STAG2: variants seen among roughly 807,000 people sequenced by gnomAD.
The protein encoded by STAG2 is STAG2 cohesin complex component.
STAG2 carries 14 observed loss-of-function variants against 108.1 expected under a neutral mutation model. That is an observed-to-expected ratio of 0.13 (90% CI 0.09 to 0.20). The LOEUF (loss-of-function observed/expected upper bound fraction) is 0.20. STAG2 is among the 10% of genes least tolerant of loss of function. The pLI is 1.00. For synonymous variants in STAG2, 307 were observed against 302.7 expected (o/e 1.01, Z -0.15); for missense variants, 440 against 940.9 (o/e 0.47, Z 6.96).
chrX:123,963,485 C>T (rs188490908), intron 1 of STAG2: 1 of 111,241 alleles, frequency 9.0e-6, no homozygotes, highest in African/African-American at 3.3e-5. Context: ...GTTAAAATGC[C>T]TGGTTTTCTT....
At position 123,997,170 on chromosome X, in the gene STAG2, C is replaced by G. The variant is rs147406057; in HGVS notation, c.-162-24197C>G. On this transcript the variant is annotated intron_variant, in intron 1 of 34. Coordinates refer to ENST00000371145, the MANE Select transcript of STAG2 (RefSeq NM_001042750.2). Reference sequence around the variant, plus strand: ...CTTGACATCAAGTAGTGTGAGTCTTCCAACTTTGTTCTTTTTCAAAATGGT... The same window carrying G: ...CTTGACATCAAGTAGTGTGAGTCTTGCAACTTTGTTCTTTTTCAAAATGGT... Among the ~76,000 whole-genome samples the G allele has an allele frequency of 3.5e-3, 390 of 112,014 alleles. 1 individual carries two copies. The highest frequency in any genetic ancestry group is 0.012 in the African/African-American group (362 of 30,848).
At position 124,065,943 on chromosome X, in the gene STAG2, A is replaced by G. The variant is rs1332603144; in HGVS notation, c.2093A>G (p.His698Arg). Reference protein sequence around the residue: ...LSTLKRITAFHNAHDLSKWDL... With the variant: ...LSTLKRITAFRNAHDLSKWDL... ...ACATTGAAGAGGATCACTGCTTTTCATAAGTAAGTTGAATTTTGAAGTTCC... is the reference window on the plus strand; with the variant it reads ...ACATTGAAGAGGATCACTGCTTTTCGTAAGTAAGTTGAATTTTGAAGTTCC... Residue 698 changes from histidine to arginine, a missense_variant, in exon 21 of 35, where the codon CAT becomes CGT. This residue lies in a region of STAG2 where 337 missense variants were observed against 649.3 expected (regional missense o/e 0.52). Transcript: ENST00000371145. 2 of 1,165,519 alleles carry G rather than the reference A, an allele frequency of 1.7e-6. No individual in the cohort carries two copies. Among genetic ancestry groups the G allele is most frequent in the Non-Finnish European group, 1.1e-6 (1 of 873,328 alleles).
At chrX:124,090,186 A>AAAAAAG (rs1569521239) in intron 30 of STAG2, among the ~76,000 whole-genome samples, 2 of 100,060 alleles carry the variant, frequency 2.0e-5, no homozygotes, top group African/African-American at 3.6e-5. Context: ...AAAAAAAAAA[A>AAAAAAG]GGTTTAGTCC....
In STAG2 at chrX:124,028,533, C is replaced by G. The variant is rs767500702; in HGVS notation, c.124-2428C>G. Among the ~76,000 whole-genome samples, 8 of 110,533 alleles carry G rather than the reference C, an allele frequency of 7.2e-5. No homozygotes were observed. The South Asian group carries it at 3.1e-3, about 42-fold the overall frequency. On this transcript the variant is annotated intron_variant, in intron 4 of 34. Transcript: ENST00000371145. ...GTAACTGAAACTGAATAAAGTAAAA[C>G]CCAGGGGAGGACTACTGTATTGCAA... is the stretch of plus-strand genomic sequence containing the variant.
intron 28 of STAG2, 48 bp from the exon 29 acceptor site, chrX:124,083,373 A>G: frequency 2.0e-6 from 2 of 1,015,776 alleles, no homozygotes; most frequent in Middle Eastern, 3.8e-4. Context: ...CTTTTTTATT[A>G]TAGTCCCTCA....
At chrX:123,969,330 T>C (rs973679546) in intron 1 of STAG2, among the ~76,000 whole-genome samples, 20 of 111,630 alleles carry the variant, frequency 1.8e-4, no homozygotes, top group African/African-American at 5.5e-4. Context: ...AAAATGGAGA[T>C]TACATGTGTC....
chrX:124,054,546 C>T (rs1287316267), intron 13 of STAG2, among the ~76,000 whole-genome samples: 1 of 111,849 alleles, frequency 8.9e-6, no homozygotes, highest in Non-Finnish European at 1.9e-5. Context: ...CAGTATGCTA[C>T]ATATATTTCT....
chrX:123,988,326 C>G (rs2055292709), intron 1 of STAG2, among the ~76,000 whole-genome samples: 1 of 111,181 alleles, frequency 9.0e-6, no homozygotes, highest in African/African-American at 3.3e-5. Context: ...TGGAGTTTCA[C>G]TATTATTTTA....
At chrX:124,047,175 G>C (rs1295576049) in intron 8 of STAG2, among the ~76,000 whole-genome samples, 179 bp from the exon 9 acceptor site, 2 of 111,582 alleles carry the variant, frequency 1.8e-5, no homozygotes, top group Non-Finnish European at 3.8e-5. Flanking sequence ...AGGATTAGGA[G>C]ATAATTCCTG....
rs781585183 is a variant in STAG2, at chrX:124,066,219, A to G, written c.2141A>G (p.Lys714Arg). 5.0e-6 allele frequency: 6 copies of G among 1,202,197 alleles called. No homozygotes were observed. The Admixed American group carries it at 1.3e-4, about 27-fold the overall frequency. ...SKWDLFACNY[K>R]LLKTGIENGD... ...TGGGATTTATTTGCTTGTAATTACA[A>G]ACTCTTGAAAACTGGAATCGAAAAT... The change falls in exon 22 of 35, where the codon AAA (lysine) becomes AGA (arginine). Residue 714 changes from lysine to arginine, a missense_variant. Around this residue, in one of 3 missense-constraint regions of STAG2, gnomAD observed 337 missense variants for 649.3 expected, o/e 0.52. Coordinates refer to ENST00000371145, the MANE Select transcript of STAG2 (RefSeq NM_001042750.2).
At chrX:124,036,233 T>C (rs1438752663) in intron 5 of STAG2, among the ~76,000 whole-genome samples, 6 of 112,387 alleles carry the variant, frequency 5.3e-5, no homozygotes, top group Admixed American at 9.4e-5. Context: ...CTACATGTTT[T>C]AGTCATTGTT....
intron 1 of STAG2, among the ~76,000 whole-genome samples, chrX:124,018,764 G>A (rs747050578): frequency 1.4e-4 from 15 of 110,900 alleles, no homozygotes; most frequent in African/African-American, 4.6e-4. Flanking sequence ...TCCTCCCAAA[G>A]CGCTGGGATT....
intron 1 of STAG2, among the ~76,000 whole-genome samples, chrX:124,020,797 G>A (rs1298326430): frequency 8.9e-6 from 1 of 112,030 alleles, no homozygotes; most frequent in East Asian, 2.8e-4. Context: ...TCAGCCTCCC[G>A]AGTAGCTGGG....
intron 27 of STAG2, among the ~76,000 whole-genome samples, chrX:124,078,780 C>A (rs765526702): frequency 9.1e-6 from 1 of 109,918 alleles, no homozygotes; most frequent in Admixed American, 9.7e-5. Flanking sequence ...ACCAGCCTGG[C>A]CAACATGGTG....
At chrX:124,013,352 C>T (rs1272236743) in intron 1 of STAG2, among the ~76,000 whole-genome samples, 4 of 110,734 alleles carry the variant, frequency 3.6e-5, no homozygotes, top group African/African-American at 1.3e-4. Flanking sequence ...CACACACGCA[C>T]ACCAGTCCAG....
chrX:124,015,275 C>T (rs984543446), intron 1 of STAG2, among the ~76,000 whole-genome samples: 5 of 109,300 alleles, frequency 4.6e-5, no homozygotes, highest in South Asian at 7.9e-4. Context: ...TGTGAGCCAC[C>T]GTGCCTGGCC....
chrX:124,072,101 AC>A (rs1306852962), intron 25 of STAG2, among the ~76,000 whole-genome samples: 1 of 110,724 alleles, frequency 9.0e-6, no homozygotes, highest in Non-Finnish European at 1.9e-5. Context: ...GCACCCTCAA[AC>A]TCTGACCAAA....
chrX:123,999,050 C>T (rs887280351), intron 1 of STAG2, among the ~76,000 whole-genome samples: 2 of 111,287 alleles, frequency 1.8e-5, no homozygotes, highest in South Asian at 3.8e-4. Context: ...CCCAGGAGTT[C>T]GAGGTGACAG....
chrX:124,029,086 G>A (rs1409715829), intron 4 of STAG2, among the ~76,000 whole-genome samples: 1 of 104,732 alleles, frequency 9.5e-6, no homozygotes, highest in Non-Finnish European at 1.9e-5. Context: ...GCGCAGTCTT[G>A]GCTCACTGCA....
Sources: gnomAD v4.1 joint callset for allele counts (sites outside exome capture counted in the v4.1 genomes callset) on GRCh38, gnomAD v4.1.1 for gene constraint, gnomAD v4.1.1 regional missense constraint, MANE v1.5 for transcripts, NCBI Gene and HGNC (gene_info 2026-07-23, HGNC 2026-07-21) for gene names.